SFTPA1: variants seen among roughly 807,000 people sequenced by gnomAD.
SFTPA1 encodes the protein pulmonary surfactant-associated protein A1.
SFTPA1 carries 13 observed loss-of-function variants against 19.1 expected under a neutral mutation model. That is an observed-to-expected ratio of 0.68 (90% CI 0.44 to 1.08). SFTPA1 has a LOEUF of 1.08. Ranked by LOEUF, SFTPA1 falls within the 50% of genes least tolerant of loss-of-function variation. SFTPA1 has a pLI of 0.00. For missense variants in SFTPA1, 259 were observed against 316.4 expected (o/e 0.82, Z 1.38); for synonymous variants, 101 against 117.0 (o/e 0.86, Z 0.88).
Position 79,615,102 on chromosome 10 carries a change from T to C in SFTPA1, c.*989T>C. Reference sequence around the variant, plus strand: ...CTTGTTGCTGTCACAGTTATTACCATCCCCCCAGCTACCAAAATTACTACC... The same window carrying C: ...CTTGTTGCTGTCACAGTTATTACCACCCCCCCAGCTACCAAAATTACTACC... On this transcript the variant is annotated 3_prime_UTR_variant, in exon 6 of 6. Coordinates refer to ENST00000398636, the MANE Select transcript of SFTPA1 (RefSeq NM_005411.5). 1 of 1,303,976 alleles carries C rather than the reference T, an allele frequency of 7.7e-7. No homozygotes were observed. Among genetic ancestry groups the C allele is most frequent in the Non-Finnish European group, 1.0e-6 (1 of 988,286 alleles). 80.8% of individuals were successfully genotyped at this position (1,303,976 alleles called of 1,614,324 possible).
chr10:79,612,125 G>T, intron 3 of SFTPA1, 128 bp downstream of exon 3: 2 of 1,586,778 alleles, frequency 1.3e-6, no homozygotes, highest in Non-Finnish European at 1.7e-6. Context: ...TGGGACTTCA[G>T]TCTGCAGGGC....
In SFTPA1 at chr10:79,611,851, A is replaced by G; in HGVS notation, c.26A>G (p.Asn9Ser). MWLCPLAL[N>S]LILMAASGAV... ...ATGTGGCTGTGCCCTCTGGCCCTCA[A>G]CCTCATCTTGATGGCAGCCTCTGGT... is the stretch of plus-strand genomic sequence containing the variant. Residue 9 changes from asparagine (N) to serine (S), a missense_variant, in exon 3 of 6, where the codon AAC (asparagine) becomes AGC (serine). Physicochemically the swap from Asn to Ser is conservative, Grantham distance 46. Transcript: ENST00000398636. 2 of 1,613,858 alleles carry G rather than the reference A, an allele frequency of 1.2e-6. No homozygotes were observed. The highest frequency in any genetic ancestry group is 1.7e-6 in the Non-Finnish European group (2 of 1,179,838).
chr10:79,613,445 C>G (rs1194319857), intron 5 of SFTPA1, among the ~76,000 whole-genome samples, 179 bp downstream of exon 5: 1 of 152,206 alleles, frequency 6.6e-6, no homozygotes, highest in South Asian at 2.1e-4. Context: ...GAAGCAGACA[C>G]AATTCACTCC....
In SFTPA1 at chr10:79,611,324, T is replaced by G. The variant is rs140056575; in HGVS notation, c.-89T>G. 5.1e-5 allele frequency: 20 copies of G among 392,226 alleles called. No individual in the cohort carries two copies. Among genetic ancestry groups the G allele is most frequent in the African/African-American group, 3.8e-4 (19 of 49,448 alleles). 24.3% of individuals were successfully genotyped at this position (392,226 alleles called of 1,614,324 possible). A position where few individuals can be genotyped will look rare whatever the true frequency, so the allele number is the denominator to read the frequency against. On this transcript the variant is annotated 5_prime_UTR_variant, in exon 2 of 6. Transcript: ENST00000398636. Reference sequence around the variant, plus strand: ...TCATCTTTTTTCATTCTCAGGTCGCTGATTTCTTGGAGCCTGAAAAGAAAG... The same window carrying G: ...TCATCTTTTTTCATTCTCAGGTCGCGGATTTCTTGGAGCCTGAAAAGAAAG...
chr10:79,612,414 G>C lies in SFTPA1; in HGVS notation c.275G>C (p.Gly92Ala). Residue 92 changes from glycine to alanine, a missense_variant, in exon 4 of 6, where the codon GGC becomes GCC. By Grantham distance (60) the Gly-to-Ala change is moderately conservative (BLOSUM62 0). Transcript: ENST00000398636. ...PGECGEKGEP[G>A]ERGPPGLPAH... Reference sequence around the variant, plus strand: ...GAGTGTGGAGAGAAGGGGGAGCCTGGCGAGAGGGGCCCTCCAGGTGAGCAG... The same window carrying C: ...GAGTGTGGAGAGAAGGGGGAGCCTGCCGAGAGGGGCCCTCCAGGTGAGCAG... 6.2e-7 allele frequency: 1 copy of C among 1,613,720 alleles called. No homozygotes were observed. The highest frequency in any genetic ancestry group is 8.5e-7 in the Non-Finnish European group (1 of 1,179,806).
At position 79,611,798 on chromosome 10, in the gene SFTPA1, T is replaced by C. The variant is rs3997775; in HGVS notation, c.-23-5T>C. The C allele has an allele frequency of 1.2e-5, 18 of 1,461,972 alleles. No individual in the cohort carries two copies. The highest frequency in any genetic ancestry group is 1.6e-5 in the Non-Finnish European group (17 of 1,078,492). The allele number at this position is 1,461,972 out of a possible 1,614,324, so 90.6% of individuals were successfully genotyped here. ...CAGATGGGCTCACGGCCATCCCTCC[T>C]GCAGGAGCAGCGACTGGACCCAGAG... On this transcript the variant is annotated splice_region_variant and splice_polypyrimidine_tract_variant and intron_variant, in intron 2 of 5. Transcript: ENST00000398636.
chr10:79,611,187 T>TC (rs1264950326), intron 1 of SFTPA1, 132 bp from the exon 2 acceptor site: 1 of 178,258 alleles, frequency 5.6e-6, no homozygotes, highest in South Asian at 1.4e-4. Context: ...GCCAGATCCA[T>TC]CCCTACAGGG....
At position 79,614,241 on chromosome 10, in the gene SFTPA1, A is replaced by G. The variant is rs1199537049; in HGVS notation, c.*128A>G. Reference sequence around the variant, plus strand: ...ATTCACTTGTGGCTATTGGGACTGGAGGCACCCTTAGCCACTTCATTCCTC... The same window carrying G: ...ATTCACTTGTGGCTATTGGGACTGGGGGCACCCTTAGCCACTTCATTCCTC... On this transcript the variant is annotated 3_prime_UTR_variant, in exon 6 of 6. Coordinates refer to ENST00000398636, the MANE Select transcript of SFTPA1 (RefSeq NM_005411.5). 5 of 1,488,882 alleles carry G rather than the reference A, an allele frequency of 3.4e-6. No homozygotes were observed. Among genetic ancestry groups the G allele is most frequent in the Non-Finnish European group, 2.8e-6 (3 of 1,088,468 alleles). 92.2% of individuals were successfully genotyped at this position (1,488,882 alleles called of 1,614,324 possible).
chr10:79,615,009 A>T lies in SFTPA1; in HGVS notation c.*896A>T, dbSNP rs1333947296. ...GATATGTCGTGGGGTGGGCAAGGTA[A>T]TCAGTGACAGTTGAAGATTTTTTTT... On this transcript the variant is annotated 3_prime_UTR_variant, in exon 6 of 6. Transcript: ENST00000398636. The T allele has an allele frequency of 3.1e-6, 4 of 1,305,248 alleles. No homozygotes were observed. The highest frequency in any genetic ancestry group is 1.0e-6 in the Non-Finnish European group (1 of 988,940). The allele number at this position is 1,305,248 out of a possible 1,614,324, so 80.9% of individuals were successfully genotyped here.
In SFTPA1 at chr10:79,615,194, A is replaced by C. The variant is rs193082954; in HGVS notation, c.*1081A>C. The C allele has an allele frequency of 7.2e-5, 53 of 735,194 alleles. No homozygotes were observed. The highest frequency in any genetic ancestry group is 7.0e-4 in the African/African-American group (38 of 54,198). The allele number at this position is 735,194 out of a possible 1,614,324, so 45.5% of individuals were successfully genotyped here. A position where few individuals can be genotyped will look rare whatever the true frequency, so the allele number is the denominator to read the frequency against. ...TCATTTGCCAAGAACCTTGACAAGC[A>C]CTTCTAATACAGCATATTATGTACT... On this transcript the variant is annotated 3_prime_UTR_variant, in exon 6 of 6. Coordinates refer to ENST00000398636, the MANE Select transcript of SFTPA1 (RefSeq NM_005411.5).
Position 79,614,173 on chromosome 10 carries a change from G to A in SFTPA1, c.*60G>A, listed in dbSNP as rs1006436539. ...TCTGGCCTTCGGCCTCCATCCTGAGGCTCCACTTGGTCTGTGAGATGCTAG... is the reference window on the plus strand; with the variant it reads ...TCTGGCCTTCGGCCTCCATCCTGAGACTCCACTTGGTCTGTGAGATGCTAG... On this transcript the variant is annotated 3_prime_UTR_variant, in exon 6 of 6. Transcript: ENST00000398636. The A allele has an allele frequency of 9.0e-5, 145 of 1,613,590 alleles. 2 individuals are homozygous for A. Among genetic ancestry groups the A allele is most frequent in the Non-Finnish European group, 1.6e-5 (19 of 1,179,760 alleles).
chr10:79,611,495 T>C (rs1049835964), intron 2 of SFTPA1, 106 bp downstream of exon 2: 9 of 1,288,332 alleles, frequency 7.0e-6, no homozygotes, highest in East Asian at 2.5e-5. Flanking sequence ...CAGGGTAACA[T>C]AGTGAGGCAC....
At position 79,611,831 on chromosome 10, in the gene SFTPA1, G is replaced by A. The variant is rs775224111; in HGVS notation, c.6G>A (p.Trp2Ter). ...CAGCGACTGGACCCAGAGCCATGTG[G>A]CTGTGCCCTCTGGCCCTCAACCTCA... M[W>*]LCPLALNLIL... Residue 2 changes from tryptophan to a stop codon, truncating the protein, a stop_gained, in exon 3 of 6, where the codon TGG (tryptophan) becomes TGA (stop). Coordinates refer to ENST00000398636, the MANE Select transcript of SFTPA1 (RefSeq NM_005411.5). LOFTEE classifies it high-confidence loss of function. 26 of 1,614,036 alleles carry A rather than the reference G, an allele frequency of 1.6e-5. No homozygotes were observed. The Admixed American group carries it at 4.3e-4, about 27-fold the overall frequency.
rs958065919 is a variant in SFTPA1 at position 79,614,424 on chromosome 10, C to G, written c.*311C>G. 2 of 434,830 alleles carry G rather than the reference C, an allele frequency of 4.6e-6. No homozygotes were observed. Among genetic ancestry groups the G allele is most frequent in the Non-Finnish European group, 8.5e-6 (2 of 234,730 alleles). 26.9% of individuals were successfully genotyped at this position (434,830 alleles called of 1,614,324 possible). A position where few individuals can be genotyped will look rare whatever the true frequency, so the allele number is the denominator to read the frequency against. ...CCATCTGGTCCAGTTCCTTCACTTA[C>G]AGATGGCAGCAGTGAGGTCTTGGGG... is the stretch of plus-strand genomic sequence containing the variant. On this transcript the variant is annotated 3_prime_UTR_variant, in exon 6 of 6. Coordinates refer to ENST00000398636, the MANE Select transcript of SFTPA1 (RefSeq NM_005411.5).
chr10:79,613,128 T>G, intron 4 of SFTPA1, 61 bp from the exon 5 acceptor site: 1 of 1,613,222 alleles, frequency 6.2e-7, no homozygotes, highest in Non-Finnish European at 8.5e-7. Context: ...AACACCTGCG[T>G]GGCAGCAAGT....
In SFTPA1 at chr10:79,614,925, C is replaced by G; in HGVS notation, c.*812C>G. The G allele has an allele frequency of 8.3e-7, 1 of 1,210,000 alleles. No homozygotes were observed. Among genetic ancestry groups the G allele is most frequent in the Admixed American group, 2.4e-5 (1 of 41,518 alleles). 75.0% of individuals were successfully genotyped at this position (1,210,000 alleles called of 1,614,324 possible). On this transcript the variant is annotated 3_prime_UTR_variant, in exon 6 of 6. Coordinates refer to ENST00000398636, the MANE Select transcript of SFTPA1 (RefSeq NM_005411.5). Reference sequence around the variant, plus strand: ...CCCCACACCACTGGCTCTGCTTTCTCCTTTCATTAATCCATTCACCCAGAT... The same window carrying G: ...CCCCACACCACTGGCTCTGCTTTCTGCTTTCATTAATCCATTCACCCAGAT...
chr10:79,611,599 C>T, intron 2 of SFTPA1: 1 of 1,550,882 alleles, frequency 6.4e-7, no homozygotes, highest in Non-Finnish European at 8.7e-7. Context: ...ACCCCACAAC[C>T]TCCAGCCGGA....
Position 79,615,060 on chromosome 10 carries a change from G to T in SFTPA1, c.*947G>T. On this transcript the variant is annotated 3_prime_UTR_variant, in exon 6 of 6. Coordinates refer to ENST00000398636, the MANE Select transcript of SFTPA1 (RefSeq NM_005411.5). ...TCCCAGAGCTTATGTCTTCATCTGTGAAATGGGAATAAGATACTTGTTGCT... is the reference window on the plus strand; with the variant it reads ...TCCCAGAGCTTATGTCTTCATCTGTTAAATGGGAATAAGATACTTGTTGCT... The T allele has an allele frequency of 1.5e-6, 2 of 1,305,234 alleles. No individual in the cohort carries two copies. Among genetic ancestry groups the T allele is most frequent in the Middle Eastern group, 2.1e-4 (1 of 4,698 alleles). The allele number at this position is 1,305,234 out of a possible 1,614,324, so 80.9% of individuals were successfully genotyped here.
chr10:79,613,596 G>A (rs1859994353), intron 5 of SFTPA1, 141 bp from the exon 6 acceptor site: 1 of 1,171,396 alleles, frequency 8.5e-7, no homozygotes, highest in Non-Finnish European at 1.2e-6. Flanking sequence ...TTAGAAAACT[G>A]CAATTGGAAG....
Sources: gnomAD v4.1 joint callset for allele counts (sites outside exome capture counted in the v4.1 genomes callset) on GRCh38, gnomAD v4.1.1 for gene constraint, MANE v1.5 for transcripts, NCBI Gene and HGNC (gene_info 2026-07-23, HGNC 2026-07-21) for gene names.